The following LMTK2 variants were observed in gnomAD, a reference collection of about 807,000 sequenced individuals.
The protein encoded by LMTK2 is serine/threonine-protein kinase LMTK2.
Under a neutral mutation model 127.5 loss-of-function variants are expected in LMTK2, and 37 were observed. That is an observed-to-expected ratio of 0.29 (90% CI 0.22 to 0.38). The LOEUF (loss-of-function observed/expected upper bound fraction) is 0.38. Ranked by LOEUF, LMTK2 falls within the 10% of genes least tolerant of loss-of-function variation. LMTK2 has a pLI of 1.00. For synonymous variants in LMTK2, 819 were observed against 810.1 expected (o/e 1.01, Z -0.19); for missense variants, 1,694 against 1,920.3 (o/e 0.88, Z 2.20).
chr7:98,178,582 T>C (rs1030516460), intron 7 of LMTK2, among the ~76,000 whole-genome samples: 1 of 152,178 alleles, frequency 6.6e-6, no homozygotes, highest in African/African-American at 2.4e-5. Context: ...GTTTTTCAAC[T>C]TGAAGGGAGA....
intron 9 of LMTK2, among the ~76,000 whole-genome samples, chr7:98,188,464 A>T (rs1473732091): frequency 6.6e-6 from 1 of 151,906 alleles, no homozygotes; most frequent in Non-Finnish European, 1.5e-5. Flanking sequence ...AGTTATTATT[A>T]TATATATTTT....
chr7:98,179,209 C>T (rs979584108), intron 7 of LMTK2, among the ~76,000 whole-genome samples: 2 of 152,220 alleles, frequency 1.3e-5, no homozygotes, highest in South Asian at 2.1e-4. Flanking sequence ...CAAAGACCTA[C>T]GTGGAATGTT....
At chr7:98,159,543 T>G in intron 6 of LMTK2, 118 bp downstream of exon 6, 1 of 709,176 alleles carries the variant, frequency 1.4e-6, no homozygotes, top group Non-Finnish European at 2.5e-6. Context: ...CTTGAAGAAC[T>G]TTATGATGAG....
chr7:98,121,718 G>T (rs536001146), intron 1 of LMTK2, among the ~76,000 whole-genome samples: 2 of 151,172 alleles, frequency 1.3e-5, no homozygotes, highest in African/African-American at 2.4e-5. Flanking sequence ...TTTTAAATTT[G>T]TGCCGGGCAT....
chr7:98,185,981 T>C (rs1327805390), intron 8 of LMTK2, among the ~76,000 whole-genome samples: 1 of 152,200 alleles, frequency 6.6e-6, no homozygotes, highest in Non-Finnish European at 1.5e-5. Context: ...AATTGGTTAT[T>C]TGTCTACATA....
chr7:98,115,720 C>T (rs890637589), intron 1 of LMTK2, among the ~76,000 whole-genome samples: 2 of 151,976 alleles, frequency 1.3e-5, no homozygotes, highest in East Asian at 1.9e-4. Flanking sequence ...ACCCGGGAGG[C>T]GGAGGTTGCA....
rs553661388 is a variant in LMTK2 at position 98,164,824 on chromosome 7, C to T, written c.657+5399C>T. Reference sequence around the variant, plus strand: ...GAGAAAAAGGAGGATGTAGACTAACCTTTGCCACATCCTAGTCTTTCTTAT... The same window carrying T: ...GAGAAAAAGGAGGATGTAGACTAACTTTTGCCACATCCTAGTCTTTCTTAT... On this transcript the variant is annotated intron_variant, in intron 6 of 13. Coordinates refer to ENST00000297293, the MANE Select transcript of LMTK2 (RefSeq NM_014916.4). Among the ~76,000 whole-genome samples, 5 of 152,310 alleles carry T rather than the reference C, an allele frequency of 3.3e-5. No homozygotes were observed. In the East Asian group the frequency reaches 9.7e-4, roughly 29 times the overall value.
intron 1 of LMTK2, among the ~76,000 whole-genome samples, chr7:98,120,146 T>C (rs928133032): frequency 7.2e-5 from 11 of 152,352 alleles, no homozygotes; most frequent in African/African-American, 2.2e-4. Flanking sequence ...GTACAGACTA[T>C]TTTTTGACAA....
At chr7:98,141,831 C>T (rs991136688) in intron 3 of LMTK2, among the ~76,000 whole-genome samples, 2 of 152,198 alleles carry the variant, frequency 1.3e-5, no homozygotes, top group Admixed American at 1.3e-4. Flanking sequence ...GAGGTGGTTT[C>T]TCTGCTAGTT....
At chr7:98,201,917 T>C (rs1797710135) in intron 11 of LMTK2, among the ~76,000 whole-genome samples, 1 of 152,214 alleles carries the variant, frequency 6.6e-6, no homozygotes, top group Admixed American at 6.5e-5. Flanking sequence ...GCCCAATTTC[T>C]TTGTATTTAT....
At chr7:98,200,768 CAT>C (rs1157039118) in intron 11 of LMTK2, among the ~76,000 whole-genome samples, 13 of 152,198 alleles carry the variant, frequency 8.5e-5, no homozygotes, top group Non-Finnish European at 1.5e-4. Flanking sequence ...TATAATGCCT[CAT>C]ACACTGTAAA....
intron 3 of LMTK2, among the ~76,000 whole-genome samples, chr7:98,142,878 G>T (rs1004170345): frequency 2.0e-5 from 3 of 152,194 alleles, no homozygotes; most frequent in Non-Finnish European, 4.4e-5. Context: ...CAGTAGGGAG[G>T]TTGGCTGCCA....
chr7:98,119,091 C>CAAAAA (rs11309792), intron 1 of LMTK2, among the ~76,000 whole-genome samples: 1 of 89,410 alleles, frequency 1.1e-5, no homozygotes, highest in Admixed American at 1.1e-4. Context: ...GAATCCATCT[C>CAAAAA]AAAAAAAAAA....
intron 1 of LMTK2, among the ~76,000 whole-genome samples, chr7:98,110,203 G>A (rs1796181909): frequency 6.6e-6 from 1 of 152,088 alleles, no homozygotes; most frequent in Non-Finnish European, 1.5e-5. Flanking sequence ...ATTTATCTAT[G>A]GTGTCTTCAT....
At chr7:98,132,895 A>C (rs1411301400) in intron 1 of LMTK2, among the ~76,000 whole-genome samples, 1 of 152,070 alleles carries the variant, frequency 6.6e-6, no homozygotes, top group Non-Finnish European at 1.5e-5. Context: ...ATTGGGCTGG[A>C]GTTATAATGG....
chr7:98,188,776 C>T (rs1252708422), intron 9 of LMTK2, among the ~76,000 whole-genome samples: 1 of 152,116 alleles, frequency 6.6e-6, no homozygotes, highest in Admixed American at 6.5e-5. Flanking sequence ...TATAATGTGC[C>T]TCTGAAATGA....
intron 6 of LMTK2, among the ~76,000 whole-genome samples, chr7:98,167,315 C>G (rs994142467): frequency 4.6e-5 from 7 of 152,324 alleles, no homozygotes; most frequent in African/African-American, 1.4e-4. Context: ...CCATGTCTAG[C>G]TTGCTTTCTA....
chr7:98,138,915 G>A (rs1311610506), intron 2 of LMTK2, among the ~76,000 whole-genome samples: 1 of 152,202 alleles, frequency 6.6e-6, no homozygotes, highest in Non-Finnish European at 1.5e-5. Context: ...GGACTCTCCA[G>A]CTCTAGAGTC....
At chr7:98,201,758 C>T (rs1454954449) in intron 11 of LMTK2, among the ~76,000 whole-genome samples, 1 of 152,104 alleles carries the variant, frequency 6.6e-6, no homozygotes, top group Non-Finnish European at 1.5e-5. Flanking sequence ...TACAGGCGTG[C>T]ACCACCACGC....
Sources: allele counts gnomAD v4.1 joint callset (sites outside exome capture counted in the v4.1 genomes callset), GRCh38; gene constraint gnomAD v4.1.1; transcripts MANE v1.5; gene names NCBI Gene and HGNC (gene_info 2026-07-23, HGNC 2026-07-21).